PAX9: variants seen among roughly 807,000 people sequenced by gnomAD.
PAX9 encodes the protein paired box 9.
Under a neutral mutation model 29.1 loss-of-function variants are expected in PAX9, and 6 were observed. The observed-to-expected ratio is 0.21, with a 90% CI of 0.11 to 0.41. The LOEUF (loss-of-function observed/expected upper bound fraction) is 0.41. PAX9 is among the 10% of genes least tolerant of loss of function. PAX9 has a pLI of 1.00. For synonymous variants in PAX9, 217 were observed against 211.7 expected, an observed-to-expected ratio of 1.03 and a Z score of -0.22; for missense variants, 443 against 479.1, an observed-to-expected ratio of 0.92 and a Z score of 0.70.
upstream of PAX9, among the ~76,000 whole-genome samples, chr14:36,659,682 CA>C (rs1881183653): frequency 6.6e-6 from 1 of 152,172 alleles, no homozygotes; most frequent in Non-Finnish European, 1.5e-5. Context: ...GGATCCGCAG[CA>C]GCTGAGGCCA....
Position 36,676,095 on chromosome 14 carries a change from A to G in PAX9, c.772-103A>G, listed in dbSNP as rs1881875313. On this transcript the variant is annotated intron_variant, in intron 3 of 3. Coordinates refer to ENST00000361487, the MANE Select transcript of PAX9 (RefSeq NM_001372076.1). ...AAAAGTTGGAGAGTAGAGTCAGAGC[A>G]TTGCTGGCTTACTCAGACTTAAGTT... 29 of 1,228,838 alleles carry G rather than the reference A, an allele frequency of 2.4e-5. No homozygotes were observed. In the South Asian group the frequency reaches 3.4e-4, roughly 15 times the overall value. The allele number at this position is 1,228,838 out of a possible 1,614,324, so 76.1% of individuals were successfully genotyped here. A position where few individuals can be genotyped will look rare whatever the true frequency, so the allele number is the denominator to read the frequency against.
chr14:36,663,043 G>T lies in PAX9; in HGVS notation c.151G>T (p.Gly51Cys), dbSNP rs104894469. ...DISRQLRVSH[G>C]CVSKILARYN... ...CAGCCGCCAGCTACGGGTCTCGCAC[G>T]GCTGCGTCAGCAAGATCCTGGCGCG... Residue 51 changes from glycine (G) to cysteine (C), a missense_variant, in exon 2 of 4, where the codon GGC becomes TGC. Around this residue, in one of 2 missense-constraint regions of PAX9, gnomAD observed 107 missense variants for 161.9 expected, o/e 0.66. Transcript: ENST00000361487. 2 of 1,613,848 alleles carry T rather than the reference G, an allele frequency of 1.2e-6. No homozygotes were observed. Among genetic ancestry groups the T allele is most frequent in the Non-Finnish European group, 1.7e-6 (2 of 1,180,034 alleles).
At chr14:36,673,706 A>G (rs1339078582) in intron 3 of PAX9, among the ~76,000 whole-genome samples, 1 of 152,234 alleles carries the variant, frequency 6.6e-6, no homozygotes, top group Non-Finnish European at 1.5e-5. Flanking sequence ...AAATACAAAG[A>G]AAAAAGAATG....
upstream of PAX9, among the ~76,000 whole-genome samples, chr14:36,659,634 C>T (rs1881181538): frequency 6.6e-6 from 1 of 152,220 alleles, no homozygotes; most frequent in African/African-American, 2.4e-5. Context: ...GCGGACAGGC[C>T]CCCTGCCCAC....
Position 36,663,390 on chromosome 14 carries a change from C to A in PAX9, c.498C>A (p.Ile166=), listed in dbSNP as rs775681794. 6.2e-7 allele frequency: 1 copy of A among 1,613,534 alleles called. No individual in the cohort carries two copies. Among genetic ancestry groups the A allele is most frequent in the Non-Finnish European group, 8.5e-7 (1 of 1,179,922 alleles). The change falls in exon 2 of 4, where the codon ATC becomes ATA. Residue 166 remains isoleucine (I), a synonymous_variant. Transcript: ENST00000361487. ...ACATCTACTCGTACCCCAGCCCTAT[C>A]ACGGCGGCGGCCGCCAAGGTGCCCA... ...YNHIYSYPSP[I]TAAAAKVPTP...
chr14:36,663,121 C>G lies in PAX9; in HGVS notation c.229C>G (p.Arg77Gly). ...LPGAIGGSKP[R>G]VTTPTVVKHI... is the part of the protein sequence containing the mutation. The stretch of plus-strand genomic sequence containing the variant: ...AGGAGCCATCGGGGGCAGCAAGCCC[C>G]GGGTCACTACCCCCACCGTGGTGAA... Residue 77 changes from arginine to glycine, a missense_variant, in exon 2 of 4, where the codon CGG (arginine) becomes GGG (glycine). Arg to Gly is a moderately radical substitution (Grantham distance 125). This residue lies in a region of PAX9 where 107 missense variants were observed against 161.9 expected (regional missense o/e 0.66). Coordinates refer to ENST00000361487, the MANE Select transcript of PAX9 (RefSeq NM_001372076.1). 1 of 1,613,990 alleles carries G rather than the reference C, an allele frequency of 6.2e-7. No individual in the cohort carries two copies. Among genetic ancestry groups the G allele is most frequent in the Non-Finnish European group, 8.5e-7 (1 of 1,180,032 alleles).
chr14:36,677,929 C>G lies in PAX9; in HGVS notation c.*1477C>G, dbSNP rs1321966906. Reference sequence around the variant, plus strand: ...ATTGATTTTCTGGGGCAAAATTCTACAGTTTTTAATCCCTTCTGTTTAGGA... The same window carrying G: ...ATTGATTTTCTGGGGCAAAATTCTAGAGTTTTTAATCCCTTCTGTTTAGGA... On this transcript the variant is annotated 3_prime_UTR_variant, in exon 4 of 4. Coordinates refer to ENST00000361487, the MANE Select transcript of PAX9 (RefSeq NM_001372076.1). The G allele has an allele frequency of 6.6e-6, 1 of 152,664 alleles. No individual in the cohort carries two copies. The highest frequency in any genetic ancestry group is 2.4e-5 in the African/African-American group (1 of 41,438). 9.5% of individuals were successfully genotyped at this position (152,664 alleles called of 1,614,324 possible).
chr14:36,674,627 C>T (rs757110458), intron 3 of PAX9, among the ~76,000 whole-genome samples: 7 of 152,156 alleles, frequency 4.6e-5, no homozygotes, highest in Non-Finnish European at 7.3e-5. Flanking sequence ...TTATGATAAA[C>T]TCAATCATTT....
chr14:36,661,975 A>G lies in PAX9; in HGVS notation c.-115A>G. The G allele has an allele frequency of 7.5e-7, 1 of 1,326,948 alleles. No individual in the cohort carries two copies. The highest frequency in any genetic ancestry group is 1.3e-5 in the South Asian group (1 of 79,598). The allele number at this position is 1,326,948 out of a possible 1,614,324, so 82.2% of individuals were successfully genotyped here. A position where few individuals can be genotyped will look rare whatever the true frequency, so the allele number is the denominator to read the frequency against. ...CTCTCGCCTCCTCCTCCTGGGAAGA[A>G]GCGGAGGCGCCGGCGGTCGGCCGGG... On this transcript the variant is annotated 5_prime_UTR_variant, in exon 1 of 4. Transcript: ENST00000361487.
At chr14:36,666,382 G>A in intron 2 of PAX9, 80 bp from the exon 3 acceptor site, 1 of 1,540,704 alleles carries the variant, frequency 6.5e-7, no homozygotes, top group South Asian at 1.2e-5. Context: ...CCAGCTCTCC[G>A]TCGCGGGTTT....
In PAX9 at chr14:36,677,242, T is replaced by C. The variant is rs141899486; in HGVS notation, c.*790T>C. ...TTTCTGGCAACGTCTTTGTCTCTGTTTGGTGGTGGGCTGCTCGGGCTCCTG... is the reference window on the plus strand; with the variant it reads ...TTTCTGGCAACGTCTTTGTCTCTGTCTGGTGGTGGGCTGCTCGGGCTCCTG... On this transcript the variant is annotated 3_prime_UTR_variant, in exon 4 of 4. Transcript: ENST00000361487. The C allele has an allele frequency of 4.2e-4, 64 of 152,450 alleles. No individual in the cohort carries two copies. Among genetic ancestry groups the C allele is most frequent in the African/African-American group, 1.4e-3 (60 of 41,530 alleles). 9.4% of individuals were successfully genotyped at this position (152,450 alleles called of 1,614,324 possible). A position where few individuals can be genotyped will look rare whatever the true frequency, so the allele number is the denominator to read the frequency against.
intron 3 of PAX9, among the ~76,000 whole-genome samples, chr14:36,666,818 A>C (rs1203337218): frequency 2.0e-5 from 3 of 152,118 alleles, no homozygotes; most frequent in African/African-American, 7.2e-5. Flanking sequence ...AGGGGCCGGG[A>C]GCGCTCGTCA....
At chr14:36,671,641 C>A (rs138265635) in intron 3 of PAX9, among the ~76,000 whole-genome samples, 147 of 152,232 alleles carry the variant, frequency 9.7e-4, no homozygotes, top group African/African-American at 3.4e-3. Flanking sequence ...ATGATTAAGG[C>A]AAGTCCCTGT....
intron 3 of PAX9, among the ~76,000 whole-genome samples, chr14:36,666,884 C>G (rs1379639547): frequency 6.6e-6 from 1 of 152,136 alleles, no homozygotes; most frequent in African/African-American, 2.4e-5. Context: ...GGAAGCGCCT[C>G]CAGGCCTGTC....
upstream of PAX9, chr14:36,658,408 G>A (rs975005458): frequency 6.6e-6 from 1 of 151,580 alleles, no homozygotes; most frequent in Non-Finnish European, 1.5e-5. Flanking sequence ...CAGGGGGCAA[G>A]TTGGAGGAAT....
intron 3 of PAX9, among the ~76,000 whole-genome samples, chr14:36,672,750 A>G (rs1243373974): frequency 6.9e-6 from 1 of 145,436 alleles, no homozygotes; most frequent in Admixed American, 7.0e-5. Flanking sequence ...ACTAAGGGCT[A>G]TTTTTATACT....
chr14:36,666,415 C>A (rs756156852), intron 2 of PAX9, 47 bp from the exon 3 acceptor site: 14 of 1,591,862 alleles, frequency 8.8e-6, no homozygotes, highest in African/African-American at 2.7e-5. Context: ...AAGAGTGGGG[C>A]GCGCGGGCTG....
chr14:36,663,622 A>G, intron 2 of PAX9, 99 bp downstream of exon 2: 1 of 1,469,406 alleles, frequency 6.8e-7, no homozygotes, highest in Admixed American at 1.8e-5. Context: ...TGTCTTTCCC[A>G]CCACCTGAGG....
In PAX9 at chr14:36,676,769, T is replaced by G. The variant is rs750143933; in HGVS notation, c.*317T>G. On this transcript the variant is annotated 3_prime_UTR_variant, in exon 4 of 4. Coordinates refer to ENST00000361487, the MANE Select transcript of PAX9 (RefSeq NM_001372076.1). ...CACCCCTCAAAGGGTTTAAGGAACT[T>G]TACAAACTAGTCTTTGGTAAAACCA... The G allele has an allele frequency of 3.9e-5, 15 of 386,706 alleles. No homozygotes were observed. Among genetic ancestry groups the G allele is most frequent in the Non-Finnish European group, 6.8e-5 (14 of 205,914 alleles). 24.0% of individuals were successfully genotyped at this position (386,706 alleles called of 1,614,324 possible). A position where few individuals can be genotyped will look rare whatever the true frequency, so the allele number is the denominator to read the frequency against.
Sources: gnomAD v4.1 joint callset for allele counts (sites outside exome capture counted in the v4.1 genomes callset) on GRCh38, gnomAD v4.1.1 for gene constraint, gnomAD v4.1.1 regional missense constraint, MANE v1.5 for transcripts, NCBI Gene and HGNC (gene_info 2026-07-23, HGNC 2026-07-21) for gene names.